The following CTNND1 variants were observed in gnomAD, a reference collection of about 807,000 sequenced individuals.
CTNND1 encodes the protein catenin delta 1.
CTNND1 carries 16 observed loss-of-function variants against 112.1 expected under a neutral mutation model. The ratio of observed to expected loss-of-function variants is 0.14; its 90% CI spans 0.10 to 0.22. The LOEUF is 0.22. Among genes scored for constraint, CTNND1 ranks in the 10% least tolerant of loss-of-function variants. CTNND1 has a pLI of 1.00. For missense variants in CTNND1, 1,008 were observed against 1,257.0 expected, an observed-to-expected ratio of 0.80 and a Z score of 3.00; for synonymous variants, 420 against 446.5, an observed-to-expected ratio of 0.94 and a Z score of 0.75.
chr11:57,763,528 G>C (rs1950321721), intron 1 of CTNND1, among the ~76,000 whole-genome samples: 2 of 152,122 alleles, frequency 1.3e-5, no homozygotes, highest in Admixed American at 6.6e-5. Flanking sequence ...ACAGAACTTT[G>C]TTCCTCCTTC....
At chr11:57,813,315 A>T (rs2137599927) in intron 17 of CTNND1, among the ~76,000 whole-genome samples, 1 of 152,266 alleles carries the variant, frequency 6.6e-6, no homozygotes, top group African/African-American at 2.4e-5. Flanking sequence ...ACAGAGCAAG[A>T]CCCTGTCTCA....
intron 1 of CTNND1, among the ~76,000 whole-genome samples, chr11:57,778,052 T>G (rs975818399): frequency 6.6e-6 from 1 of 152,148 alleles, no homozygotes; most frequent in Non-Finnish European, 1.5e-5. Context: ...TTCAGGGGGT[T>G]GTGAGCAGGA....
At chr11:57,810,747 G>A (rs914286036) in intron 16 of CTNND1, among the ~76,000 whole-genome samples, 1 of 151,942 alleles carries the variant, frequency 6.6e-6, no homozygotes, top group Non-Finnish European at 1.5e-5. Context: ...CTGAGCCTAG[G>A]AGTGTGAGAC....
rs1273148427 is a variant in CTNND1, at chr11:57,815,467, C to T, written c.2775C>T (p.Asp925=). ...TGGATCGATCGGGGGATCTAGGCGA[C>T]ATGGAGCCATTGAAGGGAACAACAC... ...RTLDRSGDLG[D]MEPLKGTTPL... Residue 925 remains aspartate, a synonymous_variant, in exon 19 of 21, where the codon GAC becomes GAT. Transcript: ENST00000399050. 1 of 1,612,434 alleles carries T rather than the reference C, an allele frequency of 6.2e-7. No individual in the cohort carries two copies. The highest frequency in any genetic ancestry group is 8.5e-7 in the Non-Finnish European group (1 of 1,179,254).
intron 1 of CTNND1, among the ~76,000 whole-genome samples, chr11:57,780,933 T>TTTTC (rs779565280): frequency 6.6e-6 from 1 of 152,246 alleles, no homozygotes; most frequent in East Asian, 1.9e-4. Context: ...GAAGCTGCTA[T>TTTTC]TTTCTTTCTT....
In CTNND1 at chr11:57,809,390, G is replaced by C; in HGVS notation, c.2359G>C (p.Ala787Pro). ...SILNTINEVIAENLEAAKKLR... is the reference protein window; with the variant it reads ...SILNTINEVIPENLEAAKKLR... ...TTTGAACACTATCAACGAGGTTATC[G>C]CTGAGAACTTGGAGGCTGCCAAAAA... The change falls in exon 15 of 21, where the codon GCT becomes CCT. Residue 787 changes from alanine (A) to proline (P), a missense_variant. Physicochemically the swap from Ala to Pro is conservative, Grantham distance 27. Around this residue, in one of 5 missense-constraint regions of CTNND1, gnomAD observed 254 missense variants for 279.5 expected, o/e 0.91. Transcript: ENST00000399050. 6.2e-7 allele frequency: 1 copy of C among 1,613,966 alleles called. No individual in the cohort carries two copies. The highest frequency in any genetic ancestry group is 8.5e-7 in the Non-Finnish European group (1 of 1,179,864).
chr11:57,787,809 ATTAGAGCCAGGTGGTCAGCT>A (rs2060289262), intron 1 of CTNND1, among the ~76,000 whole-genome samples: 1 of 152,220 alleles, frequency 6.6e-6, no homozygotes, highest in Non-Finnish European at 1.5e-5. Context: ...TCTTTTCCAA[ATTAGAGCCAGGTGGTCAGCT>A]TTAAAGCTGT....
In CTNND1 at chr11:57,805,766, G is replaced by C. The variant is rs2062596356; in HGVS notation, c.1723-116G>C. The stretch of plus-strand genomic sequence containing the variant: ...TTAAGAGGCATCCTGAGAAGTTATG[G>C]ATTGGGTTATGCATTTGAAGATCAA... On this transcript the variant is annotated intron_variant, in intron 9 of 20. Coordinates refer to ENST00000399050, the MANE Select transcript of CTNND1 (RefSeq NM_001085458.2). The C allele has an allele frequency of 2.5e-6, 3 of 1,191,568 alleles. No homozygotes were observed. In the South Asian group the frequency reaches 4.6e-5, roughly 18 times the overall value. 73.8% of individuals were successfully genotyped at this position (1,191,568 alleles called of 1,614,324 possible). A position where few individuals can be genotyped will look rare whatever the true frequency, so the allele number is the denominator to read the frequency against.
At position 57,808,660 on chromosome 11, in the gene CTNND1, C is replaced by T. The variant is rs942609900; in HGVS notation, c.2242+120C>T. On this transcript the variant is annotated intron_variant, in intron 14 of 20. Coordinates refer to ENST00000399050, the MANE Select transcript of CTNND1 (RefSeq NM_001085458.2). The stretch of plus-strand genomic sequence containing the variant: ...TGAAGGGAAGGACCCTCCCCCGCTT[C>T]ATAGTTTATGAATGCGAGAGTTGGT... The T allele has an allele frequency of 3.1e-6, 3 of 972,378 alleles. No individual in the cohort carries two copies. The African/African-American group carries it at 5.0e-5, about 16-fold the overall frequency. The allele number at this position is 972,378 out of a possible 1,614,324, so 60.2% of individuals were successfully genotyped here.
intron 14 of CTNND1, 123 bp from the exon 15 acceptor site, chr11:57,809,151 A>G: frequency 4.5e-6 from 3 of 672,348 alleles, no homozygotes; most frequent in Non-Finnish European, 7.7e-6. Flanking sequence ...ATCCTATAGG[A>G]TAATGAAGTT....
chr11:57,797,852 A>AC (rs1324148562), intron 6 of CTNND1, among the ~76,000 whole-genome samples: 13 of 150,418 alleles, frequency 8.6e-5, no homozygotes, highest in South Asian at 4.2e-4. Context: ...CAAAAAAAAA[A>AC]AAAAAAAAAA....
rs61888912 is a variant in CTNND1 at position 57,816,753 on chromosome 11, C to T, written c.*445C>T. 6.1e-6 allele frequency: 1 copy of T among 164,576 alleles called. No homozygotes were observed. Among genetic ancestry groups the T allele is most frequent in the Non-Finnish European group, 1.3e-5 (1 of 76,274 alleles). The allele number at this position is 164,576 out of a possible 1,614,324, so 10.2% of individuals were successfully genotyped here. A position where few individuals can be genotyped will look rare whatever the true frequency, so the allele number is the denominator to read the frequency against. On this transcript the variant is annotated 3_prime_UTR_variant, in exon 21 of 21. Coordinates refer to ENST00000399050, the MANE Select transcript of CTNND1 (RefSeq NM_001085458.2). Reference sequence around the variant, plus strand: ...ACGATTCTTAATCAAGATTTTTTTCCTGATGGGGAAGGGACTTTTATTTTC... The same window carrying T: ...ACGATTCTTAATCAAGATTTTTTTCTTGATGGGGAAGGGACTTTTATTTTC...
In CTNND1 at chr11:57,808,457, C is replaced by A. The variant is rs942554643; in HGVS notation, c.2159C>A (p.Thr720Asn). The A allele has an allele frequency of 1.8e-5, 29 of 1,613,342 alleles. No individual in the cohort carries two copies. Among genetic ancestry groups the A allele is most frequent in the Non-Finnish European group, 1.9e-5 (22 of 1,179,636 alleles). ...KALSAIADLL[T>N]NEHERVVKAA... Reference sequence around the variant, plus strand: ...CTTTCTGCCATAGCTGACCTCCTGACTAATGAACATGAACGGGTGGTGAAA... The same window carrying A: ...CTTTCTGCCATAGCTGACCTCCTGAATAATGAACATGAACGGGTGGTGAAA... The change falls in exon 14 of 21, where the codon ACT (threonine) becomes AAT (asparagine). Residue 720 changes from threonine (T) to asparagine (N), a missense_variant. Thr to Asn is a moderately conservative substitution (Grantham distance 65, BLOSUM62 0). This residue lies in a region of CTNND1 where 254 missense variants were observed against 279.5 expected (regional missense o/e 0.91). Transcript: ENST00000399050.
intron 8 of CTNND1, 61 bp downstream of exon 8, chr11:57,803,865 A>T (rs996280336): frequency 1.1e-4 from 45 of 410,858 alleles, no homozygotes; most frequent in African/African-American, 2.7e-4. Context: ...TAAATTTCCT[A>T]AAAAAAAAAA....
At chr11:57,778,418 C>T (rs953184855) in intron 1 of CTNND1, among the ~76,000 whole-genome samples, 5 of 152,176 alleles carry the variant, frequency 3.3e-5, no homozygotes, top group African/African-American at 1.2e-4. Flanking sequence ...GCTGAATTAA[C>T]AGCATCAGTA....
chr11:57,808,533 A>T lies in CTNND1; in HGVS notation c.2235A>T (p.Glu745Asp). 1 of 1,598,854 alleles carries T rather than the reference A, an allele frequency of 6.3e-7. No individual in the cohort carries two copies. The highest frequency in any genetic ancestry group is 1.3e-5 in the African/African-American group (1 of 74,220). ...TGGCTGTGGATGCTCGCAACAAAGA[A>T]TTAATTGGTGAGGAGTTGAATGCTA... is the stretch of plus-strand genomic sequence containing the variant. ...RNLAVDARNK[E>D]LIGKHAIPNL... The change falls in exon 14 of 21, where the codon GAA (glutamate) becomes GAT (aspartate). Residue 745 changes from glutamate (E) to aspartate (D), a missense_variant. Coordinates refer to ENST00000399050, the MANE Select transcript of CTNND1 (RefSeq NM_001085458.2).
At position 57,819,354 on chromosome 11, in the gene CTNND1, G is replaced by A. The variant is rs1317532513; in HGVS notation, c.*3046G>A. The A allele has an allele frequency of 6.6e-6, 1 of 152,220 alleles. No individual in the cohort carries two copies. The highest frequency in any genetic ancestry group is 1.5e-5 in the Non-Finnish European group (1 of 68,032). The allele number at this position is 152,220 out of a possible 1,614,324, so 9.4% of individuals were successfully genotyped here. ...AGCTATTAAGAGTTTACTTTCCAAA[G>A]AGTTTTGATAGCCCTGCTTGAGATG... On this transcript the variant is annotated 3_prime_UTR_variant, in exon 21 of 21. Transcript: ENST00000399050.
rs928733369 is a variant in CTNND1, at chr11:57,810,328, ATTTTT to A, written c.2550+111_2550+115del. On this transcript the variant is annotated intron_variant, in intron 16 of 20. Coordinates refer to ENST00000399050, the MANE Select transcript of CTNND1 (RefSeq NM_001085458.2). Reference sequence around the variant, plus strand: ...TCCATTTCACCATCATGCTAAACCTATTTTTTTTTTCTTTTTCGGAGACAGAGTCT... The same window carrying A: ...TCCATTTCACCATCATGCTAAACCTATTTTTCTTTTTCGGAGACAGAGTCT... 6.7e-6 allele frequency: 5 copies of A among 743,022 alleles called. No individual in the cohort carries two copies. In the East Asian group the frequency reaches 1.4e-4, roughly 21 times the overall value. 46.0% of individuals were successfully genotyped at this position (743,022 alleles called of 1,614,324 possible). A position where few individuals can be genotyped will look rare whatever the true frequency, so the allele number is the denominator to read the frequency against.
rs1051789974 is a variant in CTNND1, at chr11:57,818,902, A to G, written c.*2594A>G. 6.6e-6 allele frequency: 1 copy of G among 152,226 alleles called. No individual in the cohort carries two copies. The highest frequency in any genetic ancestry group is 2.4e-5 in the African/African-American group (1 of 41,470). The allele number at this position is 152,226 out of a possible 1,614,324, so 9.4% of individuals were successfully genotyped here. A position where few individuals can be genotyped will look rare whatever the true frequency, so the allele number is the denominator to read the frequency against. On this transcript the variant is annotated 3_prime_UTR_variant, in exon 21 of 21. Coordinates refer to ENST00000399050, the MANE Select transcript of CTNND1 (RefSeq NM_001085458.2). ...ATGTAGGATCAAAAGGCCCATGTAT[A>G]TAAGTACTGACCACTGGGCCATAAT...
Sources: gnomAD v4.1 joint callset for allele counts (sites outside exome capture counted in the v4.1 genomes callset) on GRCh38, gnomAD v4.1.1 for gene constraint, gnomAD v4.1.1 regional missense constraint, MANE v1.5 for transcripts, NCBI Gene and HGNC (gene_info 2026-07-23, HGNC 2026-07-21) for gene names.